Variants in MCU observed in about 807,000 individuals in gnomAD.
The protein encoded by MCU is mitochondrial calcium uniporter.
MCU carries 12 observed loss-of-function variants against 45.2 expected under a neutral mutation model. The observed-to-expected ratio is 0.27, with a 90% confidence interval of 0.17 to 0.43. The LOEUF is 0.43. Among genes scored for constraint, MCU ranks in the 20% least tolerant of loss-of-function variants. The pLI, the probability that MCU is intolerant of heterozygous loss-of-function variation, is 1.00. For synonymous variants in MCU, 160 were observed against 165.1 expected, an observed-to-expected ratio of 0.97 and a Z score of 0.24; for missense variants, 324 against 436.7, an observed-to-expected ratio of 0.74 and a Z score of 2.30.
chr10:72,876,684 G>A (rs1406801173), intron 6 of MCU, among the ~76,000 whole-genome samples: 1 of 152,184 alleles, frequency 6.6e-6, no homozygotes, highest in Non-Finnish European at 1.5e-5. Context: ...TCTTAAAACT[G>A]TAAATGCAAC....
At chr10:72,700,370 A>G (rs1337252889) in intron 1 of MCU, among the ~76,000 whole-genome samples, 2 of 152,152 alleles carry the variant, frequency 1.3e-5, no homozygotes, top group East Asian at 1.9e-4. Context: ...CCAAATTCTT[A>G]AAGTACCTAA....
intron 1 of MCU, among the ~76,000 whole-genome samples, chr10:72,779,972 A>G (rs1024524068): frequency 6.6e-6 from 1 of 152,230 alleles, no homozygotes; most frequent in African/African-American, 2.4e-5. Context: ...CTACACAAAA[A>G]CATGTACATA....
chr10:72,791,556 T>C (rs933489560), intron 1 of MCU, among the ~76,000 whole-genome samples: 2 of 152,174 alleles, frequency 1.3e-5, no homozygotes, highest in Non-Finnish European at 2.9e-5. Flanking sequence ...TTCTTTCTCT[T>C]TCTTTGAGGT....
At chr10:72,734,384 T>C (rs1843222849) in intron 1 of MCU, among the ~76,000 whole-genome samples, 1 of 152,242 alleles carries the variant, frequency 6.6e-6, no homozygotes. Context: ...ATTATTTTTG[T>C]GTTGAAATAA....
chr10:72,726,727 C>T (rs190415878), intron 1 of MCU, among the ~76,000 whole-genome samples: 11 of 152,204 alleles, frequency 7.2e-5, no homozygotes, highest in Admixed American at 5.9e-4. Context: ...GAGGAATACT[C>T]AACCCATATT....
chr10:72,701,429 G>A (rs1728739943), intron 1 of MCU, among the ~76,000 whole-genome samples: 1 of 152,120 alleles, frequency 6.6e-6, no homozygotes, highest in South Asian at 2.1e-4. Flanking sequence ...TGTCAGTGTG[G>A]GTCATCCTTC....
At chr10:72,770,129 T>G (rs1030810787) in intron 1 of MCU, among the ~76,000 whole-genome samples, 2 of 152,204 alleles carry the variant, frequency 1.3e-5, no homozygotes, top group Non-Finnish European at 2.9e-5. Context: ...CTGTCACTGA[T>G]TTCTAATTTT....
At chr10:72,850,240 AT>A (rs1845187569) in intron 2 of MCU, among the ~76,000 whole-genome samples, 1 of 152,164 alleles carries the variant, frequency 6.6e-6, no homozygotes, top group Admixed American at 6.5e-5. Flanking sequence ...AGTTTGTATG[AT>A]CTGTCTGGCC....
chr10:72,744,935 T>A (rs1843393090), intron 1 of MCU, among the ~76,000 whole-genome samples: 1 of 152,104 alleles, frequency 6.6e-6, no homozygotes, highest in African/African-American at 2.4e-5. Flanking sequence ...AAGATAGAGG[T>A]TTTTGTTTTT....
At chr10:72,727,838 G>A (rs752285129) in intron 1 of MCU, among the ~76,000 whole-genome samples, 36 of 151,684 alleles carry the variant, frequency 2.4e-4, no homozygotes, top group African/African-American at 8.2e-4. Flanking sequence ...ATGAAAAAAT[G>A]TATGAAGAAT....
chr10:72,727,998 C>T (rs1843123093), intron 1 of MCU, among the ~76,000 whole-genome samples: 1 of 151,650 alleles, frequency 6.6e-6, no homozygotes, highest in Non-Finnish European at 1.5e-5. Context: ...GAAAAATGCC[C>T]AAATTATACC....
chr10:72,794,956 C>T (rs1844221799), intron 1 of MCU, among the ~76,000 whole-genome samples: 1 of 152,046 alleles, frequency 6.6e-6, no homozygotes, highest in Admixed American at 6.6e-5. Context: ...GAATAGCTTG[C>T]TTTTTGGATT....
intron 1 of MCU, among the ~76,000 whole-genome samples, chr10:72,765,816 A>G (rs1401325191): frequency 2.0e-5 from 3 of 150,590 alleles, no homozygotes; most frequent in Non-Finnish European, 3.0e-5. Context: ...AAAGAAAGAA[A>G]CTCGACAGAA....
intron 1 of MCU, among the ~76,000 whole-genome samples, chr10:72,800,174 C>T (rs139242299): frequency 6.6e-4 from 100 of 152,272 alleles, no homozygotes; most frequent in African/African-American, 2.4e-3. Context: ...TGCGATGTGT[C>T]TTTTCCAAGC....
intron 1 of MCU, among the ~76,000 whole-genome samples, chr10:72,751,129 T>G (rs1843488074): frequency 6.6e-6 from 1 of 151,530 alleles, no homozygotes; most frequent in African/African-American, 2.4e-5. Flanking sequence ...GCCTCCCGAG[T>G]AGCTGGGATT....
intron 2 of MCU, among the ~76,000 whole-genome samples, chr10:72,845,585 G>A (rs1845108933): frequency 6.6e-6 from 1 of 152,100 alleles, no homozygotes; most frequent in Non-Finnish European, 1.5e-5. Context: ...ACAGTATTCA[G>A]CACAGTAACA....
At chr10:72,747,643 C>T (rs1231006919) in intron 1 of MCU, among the ~76,000 whole-genome samples, 7 of 151,962 alleles carry the variant, frequency 4.6e-5, no homozygotes, top group Non-Finnish European at 1.0e-4. Context: ...CAGGGTAACA[C>T]AGGGAGACCT....
At chr10:72,834,797 G>T (rs1226844946) in intron 2 of MCU, among the ~76,000 whole-genome samples, 3 of 152,096 alleles carry the variant, frequency 2.0e-5, no homozygotes, top group Non-Finnish European at 2.9e-5. Context: ...AAGCAGCTGG[G>T]ACCAGGCGAG....
At position 72,859,310 on chromosome 10, in the gene MCU, G is replaced by A. The variant is rs1845340991; in HGVS notation, c.354G>A (p.Glu118=). The A allele has an allele frequency of 6.2e-7, 1 of 1,613,592 alleles. No individual in the cohort carries two copies. The highest frequency in any genetic ancestry group is 8.5e-7 in the Non-Finnish European group (1 of 1,179,830). ...TATTTTTACGACAACTGCAAGAAGA[G>A]GATCGGGGAATTGACAGAGTTGCTA... ...VGVFLRQLQE[E]DRGIDRVAIY... is the part of the protein sequence containing the mutation. The change falls in exon 3 of 8, where the codon GAG becomes GAA. Residue 118 remains glutamate, a synonymous_variant. Coordinates refer to ENST00000373053, the MANE Select transcript of MCU (RefSeq NM_138357.3).
Sources: allele counts gnomAD v4.1 joint callset (sites outside exome capture counted in the v4.1 genomes callset), GRCh38; gene constraint gnomAD v4.1.1; transcripts MANE v1.5; gene names NCBI Gene and HGNC (gene_info 2026-07-23, HGNC 2026-07-21).